CDC73: variants seen among roughly 807,000 people sequenced by gnomAD.
CDC73 encodes cell division cycle 73.
A neutral mutation model predicts 83.7 loss-of-function variants in CDC73; 21 were observed. The observed-to-expected ratio is 0.25, with a 90% CI of 0.18 to 0.36. The LOEUF is 0.36. Ranked by LOEUF, CDC73 falls within the 10% of genes least tolerant of loss-of-function variation. CDC73 has a pLI of 1.00. For synonymous variants in CDC73, 224 were observed against 212.9 expected (o/e 1.05, Z -0.45); for missense variants, 342 against 653.3 (o/e 0.52, Z 5.19).
rs576716003 is a variant in CDC73, at chr1:193,252,184, T to G, written c.*1472T>G. ...GAAGGGAACAGTCAGCATTTTAAAT[T>G]ACTAGATTTTAGCATACTTAACAAG... On this transcript the variant is annotated 3_prime_UTR_variant, in exon 17 of 17. Coordinates refer to ENST00000367435, the MANE Select transcript of CDC73 (RefSeq NM_024529.5). The G allele has an allele frequency of 1.3e-3, 295 of 231,142 alleles. 1 individual carries two copies. The highest frequency in any genetic ancestry group is 2.2e-3 in the Non-Finnish European group (258 of 116,682). The allele number at this position is 231,142 out of a possible 1,614,324, so 14.3% of individuals were successfully genotyped here.
At chr1:193,180,609 A>G in intron 10 of CDC73, 1 of 1,614,124 alleles carries the variant, frequency 6.2e-7, no homozygotes, top group Non-Finnish European at 8.5e-7. Flanking sequence ...CTCCAGAAAA[A>G]ACATAACCAG....
chr1:193,225,021 T>A (rs1266581529), intron 13 of CDC73, among the ~76,000 whole-genome samples: 1 of 151,974 alleles, frequency 6.6e-6, no homozygotes. Flanking sequence ...TAGTCTTTTA[T>A]CCCTCACCCC....
intron 10 of CDC73, among the ~76,000 whole-genome samples, chr1:193,191,616 C>T (rs1676919819): frequency 6.6e-6 from 1 of 152,060 alleles, no homozygotes; most frequent in Non-Finnish European, 1.5e-5. Flanking sequence ...AAACTCCTAA[C>T]CTCAAGTGAT....
Position 193,251,737 on chromosome 1 carries a change from AC to A in CDC73, c.*1026del. On this transcript the variant is annotated 3_prime_UTR_variant, in exon 17 of 17. Transcript: ENST00000367435. ...ATTCAATATGGTATAAAATATAAAA[AC>A]TATATTTTAACTTAGTGAAATATTT... 2 of 232,084 alleles carry A rather than the reference AC, an allele frequency of 8.6e-6. No homozygotes were observed. Among genetic ancestry groups the A allele is most frequent in the Non-Finnish European group, 1.7e-5 (2 of 117,030 alleles). 14.4% of individuals were successfully genotyped at this position (232,084 alleles called of 1,614,324 possible).
chr1:193,214,586 G>A (rs1156573212), intron 13 of CDC73, among the ~76,000 whole-genome samples: 2 of 152,164 alleles, frequency 1.3e-5, no homozygotes, highest in Non-Finnish European at 2.9e-5. Flanking sequence ...GGGCATGGTG[G>A]CAGGTGCCTG....
At chr1:193,152,855 C>T (rs1676143147) in intron 10 of CDC73, among the ~76,000 whole-genome samples, 2 of 152,272 alleles carry the variant, frequency 1.3e-5, no homozygotes, top group East Asian at 3.9e-4. Flanking sequence ...TCTCGGCTCA[C>T]TGCAACCTCC....
chr1:193,131,477 G>T (rs1300818903), intron 3 of CDC73, among the ~76,000 whole-genome samples: 2 of 152,074 alleles, frequency 1.3e-5, no homozygotes, highest in African/African-American at 2.4e-5. Context: ...CTATAGTGTA[G>T]TCTTAGCAAT....
At chr1:193,157,270 G>A (rs1558291136) in intron 10 of CDC73, among the ~76,000 whole-genome samples, 1 of 152,126 alleles carries the variant, frequency 6.6e-6, no homozygotes, top group Admixed American at 6.6e-5. Context: ...CTTCCTGCCT[G>A]TTCGTAAATG....
chr1:193,251,537 T>C lies in CDC73; in HGVS notation c.*825T>C. On this transcript the variant is annotated 3_prime_UTR_variant, in exon 17 of 17. Coordinates refer to ENST00000367435, the MANE Select transcript of CDC73 (RefSeq NM_024529.5). ...AGCTCCTTTTCTCTTTAGTCCACTT[T>C]TGATTGTAATTTTTATGGTATAGGA... The C allele has an allele frequency of 4.3e-6, 1 of 232,108 alleles. No individual in the cohort carries two copies. Among genetic ancestry groups the C allele is most frequent in the Non-Finnish European group, 8.5e-6 (1 of 117,006 alleles). The allele number at this position is 232,108 out of a possible 1,614,324, so 14.4% of individuals were successfully genotyped here.
chr1:193,225,895 G>T (rs1677559380), intron 13 of CDC73, among the ~76,000 whole-genome samples: 1 of 152,070 alleles, frequency 6.6e-6, no homozygotes, highest in Non-Finnish European at 1.5e-5. Context: ...CCGTGCAAAA[G>T]CTCTTTAGTT....
chr1:193,135,416 C>T lies in CDC73; in HGVS notation c.333C>T (p.Ser111=), dbSNP rs374834265. The change falls in exon 4 of 17, where the codon AGC becomes AGT. Residue 111 remains serine, a synonymous_variant. Transcript: ENST00000367435. ...EASTSASIDR[S]APLEIGLQRS... ...CAACATCGGCAAGTATAGACAGAAGCGCTCCCTTAGAAATAGGTCTTCAGC... is the reference window on the plus strand; with the variant it reads ...CAACATCGGCAAGTATAGACAGAAGTGCTCCCTTAGAAATAGGTCTTCAGC... 140 of 1,613,536 alleles carry T rather than the reference C, an allele frequency of 8.7e-5. No individual in the cohort carries two copies. The highest frequency in any genetic ancestry group is 1.7e-4 in the Middle Eastern group (1 of 6,058).
chr1:193,214,141 C>T (rs568026613), intron 13 of CDC73, among the ~76,000 whole-genome samples: 6 of 152,328 alleles, frequency 3.9e-5, no homozygotes, highest in South Asian at 2.1e-4. Context: ...ATTCTTAGTA[C>T]TGCCTACACT....
At chr1:193,151,083 A>G (rs764860890) in intron 9 of CDC73, among the ~76,000 whole-genome samples, 7 of 152,216 alleles carry the variant, frequency 4.6e-5, no homozygotes, top group Admixed American at 2.0e-4. Context: ...GGCTAATGCA[A>G]TAACACCATT....
intron 7 of CDC73, among the ~76,000 whole-genome samples, chr1:193,142,348 T>C (rs909368060): frequency 2.0e-5 from 3 of 152,174 alleles, no homozygotes; most frequent in Non-Finnish European, 4.4e-5. Flanking sequence ...AGTTTTCCTG[T>C]TGAGTCATTT....
intron 7 of CDC73, among the ~76,000 whole-genome samples, chr1:193,143,635 CT>C (rs1416034241): frequency 6.6e-6 from 1 of 152,064 alleles, no homozygotes; most frequent in South Asian, 2.1e-4. Flanking sequence ...ATAAAAAATA[CT>C]TTGATAGTCT....
chr1:193,153,649 A>G (rs1168398061), intron 10 of CDC73, among the ~76,000 whole-genome samples: 2 of 152,188 alleles, frequency 1.3e-5, no homozygotes, highest in Non-Finnish European at 1.5e-5. Context: ...CTGGACTTCA[A>G]ATTGGGATTG....
intron 16 of CDC73, 92 bp downstream of exon 16, chr1:193,249,963 T>C: frequency 1.8e-6 from 2 of 1,120,690 alleles, no homozygotes; most frequent in East Asian, 2.4e-5. Context: ...GTCAGTCTTA[T>C]TCCCTAATTC....
At chr1:193,219,961 A>G (rs1452166445) in intron 13 of CDC73, among the ~76,000 whole-genome samples, 2 of 152,296 alleles carry the variant, frequency 1.3e-5, no homozygotes, top group East Asian at 1.9e-4. Flanking sequence ...GAACAAAGCA[A>G]AGTCTTCTAC....
chr1:193,142,888 C>T (rs1417548809), intron 7 of CDC73, among the ~76,000 whole-genome samples: 25 of 152,010 alleles, frequency 1.6e-4, no homozygotes, highest in Admixed American at 1.6e-3. Flanking sequence ...TGCATTTATC[C>T]TGATTTATGT....
Sources: gnomAD v4.1 joint callset for allele counts (sites outside exome capture counted in the v4.1 genomes callset) on GRCh38, gnomAD v4.1.1 for gene constraint, MANE v1.5 for transcripts, NCBI Gene and HGNC (gene_info 2026-07-23, HGNC 2026-07-21) for gene names.